The following IGF2R variants were observed in gnomAD, a reference collection of about 807,000 sequenced individuals.
IGF2R encodes cation-independent mannose-6-phosphate receptor.
Under a neutral mutation model 270.6 loss-of-function variants are expected in IGF2R, and 91 were observed. The observed-to-expected ratio is 0.34, with a 90% CI of 0.28 to 0.40. IGF2R has a LOEUF of 0.40. Among genes scored for constraint, IGF2R ranks in the 10% least tolerant of loss-of-function variants. The pLI is 1.00. For missense variants in IGF2R, 2,805 were observed against 3,188.3 expected, an observed-to-expected ratio of 0.88 and a Z score of 2.90; for synonymous variants, 1,316 against 1,258.9, an observed-to-expected ratio of 1.05 and a Z score of -0.96.
intron 1 of IGF2R, among the ~76,000 whole-genome samples, chr6:159,985,661 C>T (rs1169115583): frequency 6.6e-6 from 1 of 152,160 alleles, no homozygotes; most frequent in Non-Finnish European, 1.5e-5. Context: ...GAAAATGCCA[C>T]CACTGAGCTG....
At chr6:159,969,552 G>A (rs186812167) in intron 1 of IGF2R, among the ~76,000 whole-genome samples, 157 bp downstream of exon 1, 1 of 152,214 alleles carries the variant, frequency 6.6e-6, no homozygotes, top group Non-Finnish European at 1.5e-5. Flanking sequence ...TGCCTGCGTG[G>A]TGTCCGCGAG....
At chr6:159,970,806 C>T (rs1783597770) in intron 1 of IGF2R, among the ~76,000 whole-genome samples, 1 of 152,348 alleles carries the variant, frequency 6.6e-6, no homozygotes, top group African/African-American at 2.4e-5. Flanking sequence ...CGCCTGGGCG[C>T]GGTGGCTCAT....
intron 4 of IGF2R, among the ~76,000 whole-genome samples, chr6:160,022,363 A>C (rs1777457851): frequency 6.6e-6 from 1 of 152,220 alleles, no homozygotes; most frequent in Admixed American, 6.5e-5. Flanking sequence ...TATCCATGTA[A>C]TACAACTGCA....
chr6:159,970,278 TA>T (rs1783590612), intron 1 of IGF2R, among the ~76,000 whole-genome samples: 1 of 152,196 alleles, frequency 6.6e-6, no homozygotes, highest in Non-Finnish European at 1.5e-5. Flanking sequence ...AGCTTTTGTT[TA>T]TTTTTTTAAA....
intron 31 of IGF2R, 35 bp from the exon 32 acceptor site, chr6:160,071,875 T>C (rs768044642): frequency 1.2e-5 from 20 of 1,607,476 alleles, no homozygotes; most frequent in Non-Finnish European, 1.7e-5. Context: ...AGTTTTTGCG[T>C]GATCCCTTCA....
At chr6:160,079,934 A>G (rs1269398866) in intron 38 of IGF2R, 147 bp downstream of exon 38, 5 of 979,504 alleles carry the variant, frequency 5.1e-6, no homozygotes, top group African/African-American at 3.3e-5. Context: ...TCCTCTGTAC[A>G]CCCCCGGTGT....
chr6:160,026,156 C>G (rs894388510), intron 5 of IGF2R, among the ~76,000 whole-genome samples: 1 of 152,160 alleles, frequency 6.6e-6, no homozygotes, highest in African/African-American at 2.4e-5. Context: ...TTTGGTATAC[C>G]AAGTGGATTG....
chr6:159,990,333 G>A (rs181693416), intron 1 of IGF2R, among the ~76,000 whole-genome samples: 264 of 152,220 alleles, frequency 1.7e-3, no homozygotes, highest in Non-Finnish European at 2.9e-3. Flanking sequence ...CATGGGGGCG[G>A]TTACCCTTAT....
chr6:160,052,101 C>T (rs1778211212), intron 19 of IGF2R, among the ~76,000 whole-genome samples: 1 of 152,108 alleles, frequency 6.6e-6, no homozygotes, highest in Non-Finnish European at 1.5e-5. Context: ...ACTTGGGAGG[C>T]TGAGGTGGGA....
At chr6:160,014,080 A>G (rs1053219504) in intron 4 of IGF2R, among the ~76,000 whole-genome samples, 6 of 152,200 alleles carry the variant, frequency 3.9e-5, no homozygotes, top group Admixed American at 2.0e-4. Context: ...CATGGTAGTT[A>G]CAAACAGCCC....
At chr6:160,049,702 A>AGGT (rs1411698011) in intron 18 of IGF2R, among the ~76,000 whole-genome samples, 2 of 152,222 alleles carry the variant, frequency 1.3e-5, no homozygotes, top group Admixed American at 1.3e-4. Flanking sequence ...GGGCAGCCTT[A>AGGT]GGTGAGCCAC....
At chr6:160,000,742 T>TG (rs1410636685) in intron 2 of IGF2R, among the ~76,000 whole-genome samples, 1 of 143,892 alleles carries the variant, frequency 6.9e-6, no homozygotes, top group Admixed American at 6.9e-5. Context: ...TTTTTTTTTT[T>TG]TTTTTTTTTT....
rs745953697 is a variant in IGF2R, at chr6:160,085,091, G to C, written c.6165G>C (p.Gln2055His). 2.0e-5 allele frequency: 33 copies of C among 1,614,028 alleles called. No individual in the cohort carries two copies. The highest frequency in any genetic ancestry group is 2.6e-5 in the Non-Finnish European group (31 of 1,179,984). Residue 2055 changes from glutamine to histidine, a missense_variant, in exon 41 of 48, where the codon CAG (glutamine) becomes CAC (histidine). Coordinates refer to ENST00000356956, the MANE Select transcript of IGF2R (RefSeq NM_000876.4). ...GAAGGACCACAACTGGTGACGTCCA[G>C]GTCCTGGGACTCGTTCACACGCAGA... ...ICRRTTTGDV[Q>H]VLGLVHTQKL...
At chr6:160,034,973 A>T (rs1213611486) in intron 10 of IGF2R, among the ~76,000 whole-genome samples, 1 of 152,168 alleles carries the variant, frequency 6.6e-6, no homozygotes, top group East Asian at 1.9e-4. Flanking sequence ...GGGATTGCAG[A>T]ATGTCACTGG....
At chr6:160,097,625 C>T (rs971285494) in intron 45 of IGF2R, among the ~76,000 whole-genome samples, 15 of 152,208 alleles carry the variant, frequency 9.9e-5, no homozygotes, top group African/African-American at 2.2e-4. Flanking sequence ...CTGCCATGCC[C>T]GGCCTGGCCC....
Position 160,073,787 on chromosome 6 carries a change from A to G in IGF2R, c.4978A>G (p.Ile1660Val), listed in dbSNP as rs369313134. 3.2e-5 allele frequency: 52 copies of G among 1,613,992 alleles called. No homozygotes were observed. Among genetic ancestry groups the G allele is most frequent in the Admixed American group, 1.2e-4 (7 of 59,992 alleles). Residue 1660 changes from isoleucine to valine, a missense_variant, in exon 35 of 48, where the codon ATT becomes GTT. Around this residue, in one of 2 missense-constraint regions of IGF2R, gnomAD observed 1,851 missense variants for 2,207.2 expected, o/e 0.84. Coordinates refer to ENST00000356956, the MANE Select transcript of IGF2R (RefSeq NM_000876.4). ...TECSVRNGSS[I>V]VDLSPLIHRT... The stretch of plus-strand genomic sequence containing the variant: ...ATGTTCCGTGAGGAATGGAAGCTCT[A>G]TTGTTGACTTGTCTCCCCTTATTCA...
At chr6:160,020,419 C>T (rs957609600) in intron 4 of IGF2R, among the ~76,000 whole-genome samples, 7 of 152,220 alleles carry the variant, frequency 4.6e-5, no homozygotes, top group East Asian at 1.9e-4. Context: ...AAAATGCCAA[C>T]GTCATTTTTT....
intron 1 of IGF2R, among the ~76,000 whole-genome samples, chr6:159,983,225 G>A (rs1417979371): frequency 2.0e-5 from 3 of 152,212 alleles, no homozygotes; most frequent in Non-Finnish European, 4.4e-5. Flanking sequence ...GTCTGGACCA[G>A]GGTGGGTTTC....
Position 160,105,007 on chromosome 6 carries a change from G to A in IGF2R, c.7399G>A (p.Ala2467Thr). The change falls in exon 48 of 48, where the codon GCA becomes ACA. Residue 2467 changes from alanine to threonine, a missense_variant. Physicochemically the swap from Ala to Thr is moderately conservative, Grantham distance 58 (BLOSUM62 0). This residue lies in a region of IGF2R where 1,851 missense variants were observed against 2,207.2 expected (regional missense o/e 0.84). Transcript: ENST00000356956. ...GGCGAGGAAAGGGAAGTCCAGCTCTGCACAGCAGAAGACAGTGAGCTCCAC... is the reference window on the plus strand; with the variant it reads ...GGCGAGGAAAGGGAAGTCCAGCTCTACACAGCAGAAGACAGTGAGCTCCAC... The part of the protein sequence containing the change: ...EKARKGKSSS[A>T]QQKTVSSTKL... The A allele has an allele frequency of 1.2e-6, 2 of 1,613,754 alleles. No individual in the cohort carries two copies. Among genetic ancestry groups the A allele is most frequent in the Non-Finnish European group, 1.7e-6 (2 of 1,179,910 alleles).
Sources: allele counts gnomAD v4.1 joint callset (sites outside exome capture counted in the v4.1 genomes callset), GRCh38; gene constraint gnomAD v4.1.1; regional missense constraint gnomAD v4.1.1; transcripts MANE v1.5; gene names NCBI Gene and HGNC (gene_info 2026-07-23, HGNC 2026-07-21).